Variants in MS4A1 observed in about 807,000 individuals in gnomAD.
MS4A1 encodes the protein B-lymphocyte antigen CD20.
MS4A1 carries 16 observed loss-of-function variants against 26.5 expected under a neutral mutation model. That is an observed-to-expected ratio of 0.60 (90% CI 0.41 to 0.92). The LOEUF is 0.92. MS4A1 is among the 40% of genes least tolerant of loss of function. The pLI is 0.00. For synonymous variants in MS4A1, 128 were observed against 117.6 expected, an observed-to-expected ratio of 1.09 and a Z score of -0.57; for missense variants, 350 against 353.0, an observed-to-expected ratio of 0.99 and a Z score of 0.07.
chr11:60,468,330 A>G lies in MS4A1; in HGVS notation c.756A>G (p.Thr252=), dbSNP rs1163272929. The change falls in exon 8 of 8, where the codon ACA becomes ACG. Residue 252 remains threonine, a synonymous_variant. Coordinates refer to ENST00000345732, the MANE Select transcript of MS4A1 (RefSeq NM_152866.3). ...IKEEVVGLTE[T]SSQPKNEEDI... ...AAGAAGTGGTTGGGCTAACTGAAAC[A>G]TCTTCCCAACCAAAGAATGAAGAAG... 2.5e-6 allele frequency: 4 copies of G among 1,613,906 alleles called. No homozygotes were observed. The highest frequency in any genetic ancestry group is 3.4e-6 in the Non-Finnish European group (4 of 1,179,944).
At chr11:60,460,247 AAAAC>A (rs145755248) in intron 1 of MS4A1, among the ~76,000 whole-genome samples, 3 of 152,010 alleles carry the variant, frequency 2.0e-5, no homozygotes, top group African/African-American at 4.8e-5. Flanking sequence ...CCCTGTCATG[AAAAC>A]AAACAAACAA....
chr11:60,461,584 A>G (rs2086248419), intron 2 of MS4A1, among the ~76,000 whole-genome samples: 1 of 151,652 alleles, frequency 6.6e-6, no homozygotes, highest in African/African-American at 2.4e-5. Context: ...CAGTGGCATG[A>G]TCTCAGCTCA....
At chr11:60,463,699 C>T (rs1379101014) in intron 4 of MS4A1, 2 of 419,396 alleles carry the variant, frequency 4.8e-6, no homozygotes, top group African/African-American at 2.0e-5. Flanking sequence ...AAGATAAGTC[C>T]AGGATTAAAA....
intron 5 of MS4A1, 90 bp from the exon 6 acceptor site, chr11:60,465,831 G>T (rs61298685): frequency 1.0e-6 from 1 of 975,982 alleles, no homozygotes; most frequent in Non-Finnish European, 1.7e-6. Context: ...TGCTTTGTGA[G>T]TCAGGGCAGT....
In MS4A1 at chr11:60,470,267, T is replaced by C. The variant is rs192928733; in HGVS notation, c.*1799T>C. 5.3e-5 allele frequency: 8 copies of C among 152,104 alleles called. No homozygotes were observed. The highest frequency in any genetic ancestry group is 1.7e-4 in the African/African-American group (7 of 41,536). 9.4% of individuals were successfully genotyped at this position (152,104 alleles called of 1,614,324 possible). A position where few individuals can be genotyped will look rare whatever the true frequency, so the allele number is the denominator to read the frequency against. ...ATGGGATAGGTCATTGATAATGGAT[T>C]CCTTATTCTGAGAACTCCAGACGAC... is the stretch of plus-strand genomic sequence containing the variant. On this transcript the variant is annotated 3_prime_UTR_variant, in exon 8 of 8. Coordinates refer to ENST00000345732, the MANE Select transcript of MS4A1 (RefSeq NM_152866.3).
intron 1 of MS4A1, among the ~76,000 whole-genome samples, chr11:60,456,341 A>C (rs2086203213): frequency 6.6e-6 from 1 of 152,220 alleles, no homozygotes; most frequent in African/African-American, 2.4e-5. Flanking sequence ...GGTACCCATT[A>C]CATTAGGAAA....
intron 1 of MS4A1, among the ~76,000 whole-genome samples, chr11:60,458,440 T>C (rs982855801): frequency 9.9e-5 from 15 of 152,224 alleles, no homozygotes; most frequent in African/African-American, 3.4e-4. Context: ...CCTTTAAAAA[T>C]AAAAAAATAT....
In MS4A1 at chr11:60,458,444, A is replaced by C. The variant is rs140577915; in HGVS notation, c.-280+2499A>C. On this transcript the variant is annotated intron_variant, in intron 1 of 7. Coordinates refer to ENST00000345732, the MANE Select transcript of MS4A1 (RefSeq NM_152866.3). ...AAACAGGGGTGCCTTTAAAAATAAA[A>C]AAATATTTGCAGGAGTTAGTGTGAG... is the stretch of plus-strand genomic sequence containing the variant. Among the ~76,000 whole-genome samples, 377 of 152,306 alleles carry C rather than the reference A, an allele frequency of 2.5e-3. 2 individuals are homozygous for C. The highest frequency in any genetic ancestry group is 8.9e-3 in the African/African-American group (370 of 41,562).
At position 60,466,038 on chromosome 11, in the gene MS4A1, C is replaced by G. The variant is rs755920906; in HGVS notation, c.454C>G (p.Leu152Val). 6.2e-7 allele frequency: 1 copy of G among 1,613,686 alleles called. No homozygotes were observed. The highest frequency in any genetic ancestry group is 8.5e-7 in the Non-Finnish European group (1 of 1,179,676). The change falls in exon 6 of 8, where the codon CTG (leucine) becomes GTG (valine). Residue 152 changes from leucine (L) to valine (V), a missense_variant. Coordinates refer to ENST00000345732, the MANE Select transcript of MS4A1 (RefSeq NM_152866.3). Reference protein sequence around the residue: ...KISHFLKMESLNFIRAHTPYI... With the variant: ...KISHFLKMESVNFIRAHTPYI... ...TTCCCATTTTTTAAAAATGGAGAGT[C>G]TGAATTTTATTAGAGCTCACACACC...
In MS4A1 at chr11:60,466,161, A is replaced by G. The variant is rs201826314; in HGVS notation, c.573+4A>G. ...CAGCATACAATCTCTGTTCTTGGTA[A>G]GTGTTCTTGGTAAGTGTGAGATTGG... On this transcript the variant is annotated splice_donor_region_variant and intron_variant, in intron 6 of 7. Coordinates refer to ENST00000345732, the MANE Select transcript of MS4A1 (RefSeq NM_152866.3). 186 of 1,596,110 alleles carry G rather than the reference A, an allele frequency of 1.2e-4. No homozygotes were observed. The highest frequency in any genetic ancestry group is 1.6e-4 in the Non-Finnish European group (182 of 1,163,880).
rs1192702837 is a variant in MS4A1 at position 60,469,170 on chromosome 11, A to G, written c.*702A>G. ...TACCTACTTTTAGCCATTATGCGAG[A>G]AAAGAAAAAAATGACCATAGAAAAT... On this transcript the variant is annotated 3_prime_UTR_variant, in exon 8 of 8. Coordinates refer to ENST00000345732, the MANE Select transcript of MS4A1 (RefSeq NM_152866.3). 6.6e-6 allele frequency: 1 copy of G among 152,200 alleles called. No individual in the cohort carries two copies. The highest frequency in any genetic ancestry group is 2.4e-5 in the African/African-American group (1 of 41,452). 9.4% of individuals were successfully genotyped at this position (152,200 alleles called of 1,614,324 possible). A position where few individuals can be genotyped will look rare whatever the true frequency, so the allele number is the denominator to read the frequency against.
intron 1 of MS4A1, among the ~76,000 whole-genome samples, chr11:60,457,274 C>T (rs886927700): frequency 9.9e-5 from 15 of 151,972 alleles, no homozygotes; most frequent in African/African-American, 3.1e-4. Flanking sequence ...GCTCTGGTGG[C>T]GGTAGTGGGA....
At position 60,462,215 on chromosome 11, in the gene MS4A1, A is replaced by G. The variant is rs185465207; in HGVS notation, c.-160A>G. ...AGCAGTAGGCCTTGCCTCAGATCCA[A>G]GGTCACTCGGAAGAGGCCATGTCTA... is the stretch of plus-strand genomic sequence containing the variant. On this transcript the variant is annotated 5_prime_UTR_variant, in exon 3 of 8. Transcript: ENST00000345732. 31 of 798,410 alleles carry G rather than the reference A, an allele frequency of 3.9e-5. No individual in the cohort carries two copies. The East Asian group carries it at 4.9e-4, about 13-fold the overall frequency. The allele number at this position is 798,410 out of a possible 1,614,324, so 49.5% of individuals were successfully genotyped here.
chr11:60,468,705 G>A lies in MS4A1; in HGVS notation c.*237G>A, dbSNP rs2086316804. On this transcript the variant is annotated 3_prime_UTR_variant, in exon 8 of 8. Coordinates refer to ENST00000345732, the MANE Select transcript of MS4A1 (RefSeq NM_152866.3). ...GAGCAACTTTCTTACACTGAAGAAA[G>A]GCAGAATGAGTGCTTCAGAATGTGA... 1.8e-6 allele frequency: 1 copy of A among 541,868 alleles called. No individual in the cohort carries two copies. The highest frequency in any genetic ancestry group is 3.3e-6 in the Non-Finnish European group (1 of 304,068). The allele number at this position is 541,868 out of a possible 1,614,324, so 33.6% of individuals were successfully genotyped here. A position where few individuals can be genotyped will look rare whatever the true frequency, so the allele number is the denominator to read the frequency against.
chr11:60,467,373 T>C (rs1195770474), intron 7 of MS4A1, among the ~76,000 whole-genome samples: 1 of 150,200 alleles, frequency 6.7e-6, no homozygotes, highest in East Asian at 2.0e-4. Context: ...TGCCTCCGGG[T>C]TCAGGCGATT....
At position 60,468,479 on chromosome 11, in the gene MS4A1, C is replaced by T; in HGVS notation, c.*11C>T. ...GACAGCTCTCCTTAAGTGATTTCTT[C>T]TGTTTTCTGTTTCCTTTTTTAAACA... On this transcript the variant is annotated 3_prime_UTR_variant, in exon 8 of 8. Transcript: ENST00000345732. 6.2e-7 allele frequency: 1 copy of T among 1,611,346 alleles called. No individual in the cohort carries two copies. Among genetic ancestry groups the T allele is most frequent in the Non-Finnish European group, 8.5e-7 (1 of 1,177,672 alleles).
Position 60,470,199 on chromosome 11 carries a change from T to C in MS4A1, c.*1731T>C, listed in dbSNP as rs1028740401. 6.6e-6 allele frequency: 1 copy of C among 151,980 alleles called. No homozygotes were observed. Among genetic ancestry groups the C allele is most frequent in the Non-Finnish European group, 1.5e-5 (1 of 67,886 alleles). The allele number at this position is 151,980 out of a possible 1,614,324, so 9.4% of individuals were successfully genotyped here. On this transcript the variant is annotated 3_prime_UTR_variant, in exon 8 of 8. Coordinates refer to ENST00000345732, the MANE Select transcript of MS4A1 (RefSeq NM_152866.3). Reference sequence around the variant, plus strand: ...GGTGAGGTGTCAGGTCATCAAATATTCATGTCTATATAGTCTTACACAGGT... The same window carrying C: ...GGTGAGGTGTCAGGTCATCAAATATCCATGTCTATATAGTCTTACACAGGT...
chr11:60,457,849 G>C (rs1292693859), intron 1 of MS4A1, among the ~76,000 whole-genome samples: 1 of 152,136 alleles, frequency 6.6e-6, no homozygotes, highest in Non-Finnish European at 1.5e-5. Context: ...CTTTGAAGCA[G>C]CTGCGGTGAA....
chr11:60,464,093 G>A (rs1400368851), intron 4 of MS4A1, 195 bp from the exon 5 acceptor site: 2 of 603,260 alleles, frequency 3.3e-6, no homozygotes, highest in Non-Finnish European at 3.0e-6. Flanking sequence ...GTGTCACTGA[G>A]CCTGAATAAA....
Sources: gnomAD v4.1 joint callset for allele counts (sites outside exome capture counted in the v4.1 genomes callset) on GRCh38, gnomAD v4.1.1 for gene constraint, MANE v1.5 for transcripts, NCBI Gene and HGNC (gene_info 2026-07-23, HGNC 2026-07-21) for gene names.